Variants in ZNF536 observed in about 807,000 individuals in gnomAD.
ZNF536 encodes zinc finger protein 536.
ZNF536 carries 13 observed loss-of-function variants against 84.5 expected under a neutral mutation model. That is an observed-to-expected ratio of 0.15 (90% CI 0.10 to 0.24). The LOEUF (loss-of-function observed/expected upper bound fraction) is 0.24, where lower values mean the gene tolerates loss of function less well. Ranked by LOEUF, ZNF536 falls within the 10% of genes least tolerant of loss-of-function variation. The pLI is 1.00. For missense variants in ZNF536, 1,536 were observed against 1,747.5 expected, an observed-to-expected ratio of 0.88 and a Z score of 2.16; for synonymous variants, 811 against 742.5, an observed-to-expected ratio of 1.09 and a Z score of -1.50.
chr19:30,623,548 GCAGCCTCCCAGGGCCTTTGCATGGGCTA>G (rs1462303400), intron 1 of ZNF536, among the ~76,000 whole-genome samples: 1 of 152,212 alleles, frequency 6.6e-6, no homozygotes, highest in Non-Finnish European at 1.5e-5. Flanking sequence ...CTCAGGCCCA[GCAGCCTCCCAGGGCCTTTGCATGGGCTA>G]CAGCCTCTGC....
intron 2 of ZNF536, among the ~76,000 whole-genome samples, chr19:30,525,121 G>A (rs958734874): frequency 4.6e-5 from 7 of 152,168 alleles, no homozygotes; most frequent in Non-Finnish European, 8.8e-5. Context: ...CTTCTAAGGA[G>A]CTCTCTTGTG....
At chr19:30,384,128 C>CG (rs1350196707) in intron 1 of ZNF536, among the ~76,000 whole-genome samples, 32 of 66,846 alleles carry the variant, frequency 4.8e-4, no homozygotes, top group African/African-American at 1.6e-3. Flanking sequence ...TTCTTTCTTT[C>CG]TTTCTTTCTT....
intron 2 of ZNF536, among the ~76,000 whole-genome samples, chr19:30,306,368 C>T (rs1390244581): frequency 1.3e-5 from 2 of 152,168 alleles, no homozygotes; most frequent in African/African-American, 4.8e-5. Context: ...AGCCATCTCA[C>T]CCCACAGTCA....
At chr19:30,709,960 C>G (rs115046845) in intron 1 of ZNF536, among the ~76,000 whole-genome samples, 3,448 of 152,158 alleles carry the variant, frequency 0.023, 123 homozygotes, top group African/African-American at 0.076. Context: ...ATGGTTTTTC[C>G]ATTTTTTTAA....
At chr19:30,655,999 A>G (rs1322121233) in intron 1 of ZNF536, among the ~76,000 whole-genome samples, 5 of 152,094 alleles carry the variant, frequency 3.3e-5, no homozygotes, top group African/African-American at 1.2e-4. Flanking sequence ...GGATTGCACC[A>G]TTGCACTCCA....
intron 1 of ZNF536, among the ~76,000 whole-genome samples, chr19:30,695,719 A>T (rs148729666): frequency 3.2e-4 from 49 of 152,258 alleles, no homozygotes; most frequent in African/African-American, 1.2e-3. Flanking sequence ...TGGGGACTTG[A>T]CTTGGTATGG....
chr19:30,282,908 G>A (rs1031505915), intron 1 of ZNF536, among the ~76,000 whole-genome samples: 1 of 152,220 alleles, frequency 6.6e-6, no homozygotes, highest in African/African-American at 2.4e-5. Context: ...TCTCAAGATA[G>A]GCAGGTAGAA....
chr19:30,305,179 C>T (rs2046307102), intron 2 of ZNF536, among the ~76,000 whole-genome samples: 2 of 152,100 alleles, frequency 1.3e-5, no homozygotes, highest in South Asian at 2.1e-4. Context: ...AGTGTGAGTT[C>T]CCCACTGTAG....
At chr19:30,263,812 C>T (rs1029615374) in intron 1 of ZNF536, among the ~76,000 whole-genome samples, 1 of 151,998 alleles carries the variant, frequency 6.6e-6, no homozygotes, top group Non-Finnish European at 1.5e-5. Context: ...CTGAATCTCT[C>T]CTGATGCATC....
intron 2 of ZNF536, among the ~76,000 whole-genome samples, chr19:30,447,500 T>G (rs1191740457): frequency 6.6e-6 from 1 of 152,140 alleles, no homozygotes; most frequent in Non-Finnish European, 1.5e-5. Context: ...GTCCTAGACT[T>G]GTTTGGGATT....
chr19:30,572,880 G>A (rs940754469), intron 1 of ZNF536, among the ~76,000 whole-genome samples: 8 of 152,160 alleles, frequency 5.3e-5, no homozygotes, highest in South Asian at 2.1e-4. Flanking sequence ...TGGATAGAGA[G>A]CTAGAGCTCA....
intron 2 of ZNF536, among the ~76,000 whole-genome samples, chr19:30,287,483 T>C (rs2045675326): frequency 6.6e-6 from 1 of 150,848 alleles, no homozygotes; most frequent in African/African-American, 2.4e-5. Context: ...GATGGATAGA[T>C]GGGTGGATGG....
chr19:30,231,201 T>C (rs1463130941), intron 1 of ZNF536, among the ~76,000 whole-genome samples: 2 of 152,218 alleles, frequency 1.3e-5, no homozygotes, highest in African/African-American at 4.8e-5. Context: ...TCAACATTTG[T>C]CCATATGAAG....
Position 30,288,912 on chromosome 19 carries a change from C to T in ZNF536, c.-120+4771C>T, listed in dbSNP as rs897517867. 3.1e-4 allele frequency among the ~76,000 whole-genome samples: 47 copies of T among 152,182 alleles called. 2 individuals carry two copies. The highest frequency in any genetic ancestry group is 5.9e-5 in the Non-Finnish European group (4 of 68,034). ...GCCATTTTCAGATAATTAGGCTTTT[C>T]CTCTCAGTCTCATACCAGTGCTAGG... is the stretch of plus-strand genomic sequence containing the variant. On this transcript the variant is annotated intron_variant, in intron 2 of 5. Coordinates refer to the ZNF536 transcript ENST00000585628.
chr19:30,528,024 A>G (rs1442311302), intron 2 of ZNF536, among the ~76,000 whole-genome samples: 1 of 152,232 alleles, frequency 6.6e-6, no homozygotes, highest in Non-Finnish European at 1.5e-5. Context: ...TGCACAAAGC[A>G]TACTTGCAGA....
At chr19:30,457,020 C>T (rs1049279712) in intron 2 of ZNF536, among the ~76,000 whole-genome samples, 16 of 123,100 alleles carry the variant, frequency 1.3e-4, no homozygotes, top group African/African-American at 4.6e-4. Flanking sequence ...CCAGCCTAGG[C>T]AACAGAGCAA....
intron 1 of ZNF536, among the ~76,000 whole-genome samples, chr19:30,273,763 T>A (rs1332894319): frequency 6.6e-6 from 1 of 152,260 alleles, no homozygotes; most frequent in East Asian, 1.9e-4. Flanking sequence ...GCTTTTATTT[T>A]TATGTGGCCG....
At chr19:30,611,015 T>C (rs2048086859) in intron 1 of ZNF536, among the ~76,000 whole-genome samples, 1 of 152,204 alleles carries the variant, frequency 6.6e-6, no homozygotes, top group South Asian at 2.1e-4. Flanking sequence ...GGGCTTACCA[T>C]GTGCTTCCAA....
chr19:30,366,863 G>A (rs1023789543), intron 3 of ZNF536, among the ~76,000 whole-genome samples: 5 of 152,218 alleles, frequency 3.3e-5, no homozygotes, highest in African/African-American at 1.2e-4. Flanking sequence ...CACACCAAGT[G>A]TTCAAACAGG....
Sources: allele counts gnomAD v4.1 joint callset (sites outside exome capture counted in the v4.1 genomes callset), GRCh38; gene constraint gnomAD v4.1.1; transcripts MANE v1.5; gene names NCBI Gene and HGNC (gene_info 2026-07-23, HGNC 2026-07-21).